Variants in EPN1 observed in about 807,000 individuals in gnomAD.
EPN1 encodes epsin-1.
Under a neutral mutation model 56.9 loss-of-function variants are expected in EPN1, and 25 were observed. The observed-to-expected ratio is 0.44, with a 90% CI of 0.32 to 0.61. EPN1 has a LOEUF of 0.61. Among genes scored for constraint, EPN1 ranks in the 20% least tolerant of loss-of-function variants. The pLI, the probability that EPN1 is intolerant of heterozygous loss-of-function variation, is 0.05. For synonymous variants in EPN1, 411 were observed against 361.8 expected, an observed-to-expected ratio of 1.14 and a Z score of -1.54; for missense variants, 785 against 823.7, an observed-to-expected ratio of 0.95 and a Z score of 0.58.
chr19:55,695,373 G>A lies in EPN1; in HGVS notation c.*17G>A, dbSNP rs1271171365. 2 of 1,380,636 alleles carry A rather than the reference G, an allele frequency of 1.4e-6. No homozygotes were observed. The highest frequency in any genetic ancestry group is 2.0e-6 in the Non-Finnish European group (2 of 1,011,064). The allele number at this position is 1,380,636 out of a possible 1,614,324, so 85.5% of individuals were successfully genotyped here. A position where few individuals can be genotyped will look rare whatever the true frequency, so the allele number is the denominator to read the frequency against. ...CTCCTATAATCCAGGGCGGAAGGGG[G>A]CCTGGCTCCATCCGGCTGCCCCATT... On this transcript the variant is annotated 3_prime_UTR_variant, in exon 11 of 11. Coordinates refer to ENST00000270460, the MANE Select transcript of EPN1 (RefSeq NM_001130072.2). This position sits in a 1 kb window ranked among gnomAD's most constrained non-coding sequence, Gnocchi z 4.4.
chr19:55,681,484 G>A (rs1324644603), intron 2 of EPN1, among the ~76,000 whole-genome samples: 1 of 152,152 alleles, frequency 6.6e-6, no homozygotes, highest in Admixed American at 6.5e-5. Flanking sequence ...GGTCAGCAAA[G>A]TACAGCCCAC....
chr19:55,676,426 G>A (rs561435640), intron 1 of EPN1, among the ~76,000 whole-genome samples: 2 of 152,304 alleles, frequency 1.3e-5, no homozygotes, highest in Middle Eastern at 3.4e-3. Flanking sequence ...TGCTAGTTGG[G>A]TAATTTTTTC....
chr19:55,692,122 G>A, intron 7 of EPN1, 65 bp downstream of exon 7: 2 of 1,364,316 alleles, frequency 1.5e-6, no homozygotes, highest in East Asian at 5.7e-5. Flanking sequence ...GGTTGACTGT[G>A]CCCTTGGACA....
chr19:55,694,688 G>C lies in EPN1; in HGVS notation c.1265-38G>C, dbSNP rs752878998. The C allele has an allele frequency of 1.2e-5, 18 of 1,525,416 alleles. No homozygotes were observed. The highest frequency in any genetic ancestry group is 7.8e-5 in the South Asian group (6 of 76,440). The allele number at this position is 1,525,416 out of a possible 1,614,324, so 94.5% of individuals were successfully genotyped here. A position where few individuals can be genotyped will look rare whatever the true frequency, so the allele number is the denominator to read the frequency against. Reference sequence around the variant, plus strand: ...GCTCCCGGGTTGGAGCCTCACTGCTGTCTGCCCTGTCTGAGCCCCTCTCCC... The same window carrying C: ...GCTCCCGGGTTGGAGCCTCACTGCTCTCTGCCCTGTCTGAGCCCCTCTCCC... On this transcript the variant is annotated intron_variant, in intron 9 of 10. Transcript: ENST00000270460. This position sits in a 1 kb window ranked among gnomAD's most constrained non-coding sequence, Gnocchi z 4.2.
In EPN1 at chr19:55,696,978, A is replaced by C. The variant is rs1399262209; in HGVS notation, c.*1622A>C. 1 of 152,168 alleles carries C rather than the reference A, an allele frequency of 6.6e-6. No individual in the cohort carries two copies. The highest frequency in any genetic ancestry group is 1.5e-5 in the Non-Finnish European group (1 of 68,036). The allele number at this position is 152,168 out of a possible 1,614,324, so 9.4% of individuals were successfully genotyped here. A position where few individuals can be genotyped will look rare whatever the true frequency, so the allele number is the denominator to read the frequency against. On this transcript the variant is annotated 3_prime_UTR_variant, in exon 11 of 11. Transcript: ENST00000270460. Reference sequence around the variant, plus strand: ...GAATTGCTGACCACACCATGCAGGAAGAGGTGGGTCCCAGGGACACAGGAA... The same window carrying C: ...GAATTGCTGACCACACCATGCAGGACGAGGTGGGTCCCAGGGACACAGGAA...
intron 9 of EPN1, 52 bp downstream of exon 9, chr19:55,693,089 C>T (rs901515821): frequency 5.8e-6 from 9 of 1,551,786 alleles, no homozygotes; most frequent in Non-Finnish European, 7.1e-6. Context: ...TCCCCTAGCT[C>T]TTCGGGAGCC....
Position 55,700,796 on chromosome 19 carries a change from G to C in EPN1, c.*5440G>C, listed in dbSNP as rs1987106743. On this transcript the variant is annotated 3_prime_UTR_variant, in exon 11 of 11. Transcript: ENST00000270460. ...AAAAGGTATAACTCATGCATTGATG[G>C]GGGTAACCCCTACAGCAGTTAACCC... 6.6e-6 allele frequency: 1 copy of C among 152,262 alleles called. No homozygotes were observed. The highest frequency in any genetic ancestry group is 6.5e-5 in the Admixed American group (1 of 15,284). The allele number at this position is 152,262 out of a possible 1,614,324, so 9.4% of individuals were successfully genotyped here. A position where few individuals can be genotyped will look rare whatever the true frequency, so the allele number is the denominator to read the frequency against.
intron 2 of EPN1, among the ~76,000 whole-genome samples, chr19:55,683,927 T>C (rs1484912962): frequency 6.6e-6 from 1 of 152,216 alleles, no homozygotes; most frequent in East Asian, 1.9e-4. Flanking sequence ...GCGCGTTCTC[T>C]TATGTGTTGT....
chr19:55,708,972 C>G lies in EPN1; in HGVS notation c.*13616C>G, dbSNP rs753313511. On this transcript the variant is annotated 3_prime_UTR_variant, in exon 11 of 11. Coordinates refer to ENST00000270460, the MANE Select transcript of EPN1 (RefSeq NM_001130072.2). ...CAATCCAAGGTCCATGTGAAATGGTCAGATGGGGAATTTTTTCTTCCACAG... is the reference window on the plus strand; with the variant it reads ...CAATCCAAGGTCCATGTGAAATGGTGAGATGGGGAATTTTTTCTTCCACAG... The G allele has an allele frequency of 5.7e-6, 9 of 1,592,360 alleles. No individual in the cohort carries two copies. Among genetic ancestry groups the G allele is most frequent in the Non-Finnish European group, 4.3e-6 (5 of 1,171,704 alleles).
In EPN1 at chr19:55,695,474, TG is replaced by T; in HGVS notation, c.*122del. 1 of 624,926 alleles carries T rather than the reference TG, an allele frequency of 1.6e-6. No individual in the cohort carries two copies. Among genetic ancestry groups the T allele is most frequent in the Non-Finnish European group, 2.8e-6 (1 of 356,796 alleles). The allele number at this position is 624,926 out of a possible 1,614,324, so 38.7% of individuals were successfully genotyped here. ...CCACCCCCAGTGCCCTTCCCCTTCCTGGGGCCCACTCACACTACACCCTCTT... is the reference window on the plus strand; with the variant it reads ...CCACCCCCAGTGCCCTTCCCCTTCCTGGGCCCACTCACACTACACCCTCTT... On this transcript the variant is annotated 3_prime_UTR_variant, in exon 11 of 11. Coordinates refer to ENST00000270460, the MANE Select transcript of EPN1 (RefSeq NM_001130072.2). This position sits in a 1 kb window ranked among gnomAD's most constrained non-coding sequence, Gnocchi z 4.4.
chr19:55,705,367 AT>A lies in EPN1; in HGVS notation c.*10014del, dbSNP rs1295046986. The A allele has an allele frequency of 1.3e-5, 2 of 152,160 alleles. No individual in the cohort carries two copies. The highest frequency in any genetic ancestry group is 6.5e-5 in the Admixed American group (1 of 15,274). 9.4% of individuals were successfully genotyped at this position (152,160 alleles called of 1,614,324 possible). On this transcript the variant is annotated 3_prime_UTR_variant, in exon 11 of 11. Coordinates refer to ENST00000270460, the MANE Select transcript of EPN1 (RefSeq NM_001130072.2). ...ACAGAATCCAGAGCCACTACAACAC[AT>A]TTCATGAAGTGGCGTGAGCCTGTAA...
At chr19:55,680,792 CACAGGCCCAG>C (rs1433981222) in intron 2 of EPN1, 1 of 152,618 alleles carries the variant, frequency 6.6e-6, no homozygotes, top group African/African-American at 2.4e-5. Context: ...AGGACAACCC[CACAGGCCCAG>C]AGGCCCTGAG....
intron 3 of EPN1, among the ~76,000 whole-genome samples, chr19:55,686,503 G>A (rs1326012546): frequency 2.6e-5 from 4 of 152,176 alleles, no homozygotes; most frequent in Non-Finnish European, 5.9e-5. Context: ...AGGAGGAAGG[G>A]CCTGTGGCCC....
intron 1 of EPN1, chr19:55,677,229 C>T (rs1012178234): frequency 1.5e-5 from 22 of 1,427,632 alleles, no homozygotes; most frequent in Non-Finnish European, 2.0e-5. Context: ...GTGTGTGTCC[C>T]TGGGCAAGGG....
rs889232624 is a variant in EPN1 at position 55,694,025 on chromosome 19, G to A, written c.1265-701G>A. 2.0e-5 allele frequency: 3 copies of A among 151,996 alleles called. No individual in the cohort carries two copies. The highest frequency in any genetic ancestry group is 2.0e-4 in the Admixed American group (3 of 15,252). The allele number at this position is 151,996 out of a possible 1,614,324, so 9.4% of individuals were successfully genotyped here. A position where few individuals can be genotyped will look rare whatever the true frequency, so the allele number is the denominator to read the frequency against. ...GAGGTCGGGAGTTCAAGACCAGCCT[G>A]ACCACCATGGCCAAAACTCCGTCTC... On this transcript the variant is annotated intron_variant, in intron 9 of 10. Transcript: ENST00000270460. This position sits in a 1 kb window ranked among gnomAD's most constrained non-coding sequence, Gnocchi z 4.2.
chr19:55,681,744 C>T (rs550874625), intron 2 of EPN1, among the ~76,000 whole-genome samples: 1 of 152,198 alleles, frequency 6.6e-6, no homozygotes, highest in African/African-American at 2.4e-5. Context: ...TGCAGTTGCC[C>T]ACTGCTTTTT....
chr19:55,700,747 T>G lies in EPN1; in HGVS notation c.*5391T>G, dbSNP rs1987104776. 1.3e-5 allele frequency: 2 copies of G among 152,300 alleles called. No individual in the cohort carries two copies. 9.4% of individuals were successfully genotyped at this position (152,300 alleles called of 1,614,324 possible). ...TTAAAAATGGTAATGACATGCTCTC[T>G]AGTAATCGTTGTGTGTTACTGTCAA... On this transcript the variant is annotated 3_prime_UTR_variant, in exon 11 of 11. Coordinates refer to ENST00000270460, the MANE Select transcript of EPN1 (RefSeq NM_001130072.2).
rs191908437 is a variant in EPN1, at chr19:55,688,850, G to C, written c.479-20G>C. 290 of 1,570,204 alleles carry C rather than the reference G, an allele frequency of 1.8e-4. 1 individual carries two copies. In the African/African-American group the frequency reaches 3.6e-3, roughly 20 times the overall value. On this transcript the variant is annotated intron_variant, in intron 3 of 10. Coordinates refer to ENST00000270460, the MANE Select transcript of EPN1 (RefSeq NM_001130072.2). ...TCGTTCCCTGGTCTGGGTCTCACGC[G>C]TTTCTCACCCGCCCTCCAGCCTCAT...
intron 9 of EPN1, chr19:55,693,282 A>T: frequency 2.0e-6 from 1 of 498,222 alleles, no homozygotes; most frequent in South Asian, 2.6e-5. Context: ...TCCCACCCGA[A>T]TGTTGACCTC....
Sources: gnomAD v4.1 joint callset for allele counts (sites outside exome capture counted in the v4.1 genomes callset) on GRCh38, gnomAD v4.1.1 for gene constraint, Gnocchi (gnomAD v3.1) non-coding constraint, MANE v1.5 for transcripts, NCBI Gene and HGNC (gene_info 2026-07-23, HGNC 2026-07-21) for gene names.